The following RBFOX1 variants were observed in gnomAD, a reference collection of about 807,000 sequenced individuals.
The protein encoded by RBFOX1 is RNA binding fox-1 homolog 1, also known as RNA binding protein fox-1 homolog 1.
A neutral mutation model predicts 57.7 loss-of-function variants in RBFOX1; 8 were observed. That is an observed-to-expected ratio of 0.14 (90% CI 0.08 to 0.25). The LOEUF is 0.25. Among genes scored for constraint, RBFOX1 ranks in the 10% least tolerant of loss-of-function variants. The pLI, the probability that RBFOX1 is intolerant of heterozygous loss-of-function variation, is 1.00. For synonymous variants in RBFOX1, 326 were observed against 222.4 expected, an observed-to-expected ratio of 1.47 and a Z score of -4.15; for missense variants, 611 against 548.5, an observed-to-expected ratio of 1.11 and a Z score of -1.14.
intron 2 of RBFOX1, among the ~76,000 whole-genome samples, chr16:6,650,369 C>G (rs997389494): frequency 2.0e-5 from 3 of 152,014 alleles, no homozygotes; most frequent in Non-Finnish European, 1.5e-5. Context: ...TGTGGACTGA[C>G]CAAACCACCT....
At chr16:5,305,646 G>A (rs2063914698) in intron 1 of RBFOX1, among the ~76,000 whole-genome samples, 2 of 152,114 alleles carry the variant, frequency 1.3e-5, no homozygotes, top group South Asian at 4.1e-4. Flanking sequence ...AAAGTCTGCT[G>A]AAGAAGAAAT....
intron 4 of RBFOX1, among the ~76,000 whole-genome samples, chr16:5,891,027 A>G (rs12599101): frequency 6.6e-6 from 1 of 151,964 alleles, no homozygotes; most frequent in Admixed American, 6.5e-5. Flanking sequence ...TTTGGTGAGA[A>G]GATGCGTGCA....
At chr16:5,641,118 A>T (rs1241685897) in intron 3 of RBFOX1, among the ~76,000 whole-genome samples, 1 of 150,586 alleles carries the variant, frequency 6.6e-6, no homozygotes, top group African/African-American at 2.5e-5. Flanking sequence ...ATACACACAC[A>T]TGCATACACA....
At position 7,111,327 on chromosome 16, in the gene RBFOX1, C is replaced by G. The variant is rs1871258; in HGVS notation, c.27+59229C>G. Among the ~76,000 whole-genome samples the G allele has an allele frequency of 3.9e-5, 6 of 152,160 alleles. 1 individual carries two copies. The South Asian group carries it at 1.2e-3, about 32-fold the overall frequency. On this transcript the variant is annotated intron_variant, in intron 4 of 15. Coordinates refer to ENST00000550418, the MANE Select transcript of RBFOX1 (RefSeq NM_018723.4). ...TGAAGATTAATATTCTATGGGAACCCGACTTTGCAGACGGAGCTGAGCGGC... is the reference window on the plus strand; with the variant it reads ...TGAAGATTAATATTCTATGGGAACCGGACTTTGCAGACGGAGCTGAGCGGC...
intron 3 of RBFOX1, among the ~76,000 whole-genome samples, chr16:5,786,378 T>C (rs79439022): frequency 6.8e-3 from 1,030 of 152,226 alleles, no homozygotes; most frequent in Non-Finnish European, 0.011. Flanking sequence ...CTGCTGCTCA[T>C]GTAGCACTTT....
intron 14 of RBFOX1, among the ~76,000 whole-genome samples, chr16:7,694,217 G>T (rs2078083894): frequency 6.6e-6 from 1 of 152,164 alleles, no homozygotes; most frequent in African/African-American, 2.4e-5. Context: ...TGCGAGGGAG[G>T]ACGTTACAAC....
At chr16:6,991,000 C>T (rs771968454) in intron 3 of RBFOX1, among the ~76,000 whole-genome samples, 4 of 151,966 alleles carry the variant, frequency 2.6e-5, no homozygotes, top group Admixed American at 2.6e-4. Context: ...TAATTTACTA[C>T]ATCACAGTTG....
chr16:6,486,387 GAA>G lies in RBFOX1; in HGVS notation c.-63-168213_-63-168212del, dbSNP rs146930888. 7.3e-3 allele frequency among the ~76,000 whole-genome samples: 1,113 copies of G among 152,036 alleles called. 6 individuals are homozygous for G. Among genetic ancestry groups the G allele is most frequent in the Non-Finnish European group, 0.013 (902 of 67,942 alleles). ...GAGCACAGTTGTAATCTGGTGAAAT[GAA>G]AAGTCATCTAAAAGAGGAAGAAGAT... is the stretch of plus-strand genomic sequence containing the variant. On this transcript the variant is annotated intron_variant, in intron 2 of 15. Coordinates refer to ENST00000550418, the MANE Select transcript of RBFOX1 (RefSeq NM_018723.4).
chr16:7,218,301 A>G (rs986483687), intron 4 of RBFOX1, among the ~76,000 whole-genome samples: 1 of 152,202 alleles, frequency 6.6e-6, no homozygotes. Flanking sequence ...TAATTTAAAA[A>G]TTGCTATAAT....
At chr16:6,400,678 G>T (rs2093032511) in intron 2 of RBFOX1, among the ~76,000 whole-genome samples, 1 of 152,182 alleles carries the variant, frequency 6.6e-6, no homozygotes, top group South Asian at 2.1e-4. Flanking sequence ...GAAATCAAGA[G>T]TGATTTCAAG....
chr16:7,571,886 T>C (rs936758730), intron 5 of RBFOX1, among the ~76,000 whole-genome samples: 16 of 152,166 alleles, frequency 1.1e-4, no homozygotes, highest in African/African-American at 3.9e-4. Context: ...CCCAGCACTT[T>C]GGGAGGCCAA....
intron 4 of RBFOX1, among the ~76,000 whole-genome samples, chr16:7,154,282 T>C (rs910931562): frequency 1.3e-5 from 2 of 152,156 alleles, no homozygotes; most frequent in African/African-American, 4.8e-5. Flanking sequence ...TTACAAGCTC[T>C]AGTGCTGTAA....
At chr16:5,567,072 G>A (rs568324723) in intron 2 of RBFOX1, among the ~76,000 whole-genome samples, 39 of 152,180 alleles carry the variant, frequency 2.6e-4, no homozygotes, top group African/African-American at 9.4e-4. Context: ...ACAATTAGTG[G>A]GGCTGGAAAT....
At chr16:6,135,689 C>G (rs2096661459) in intron 1 of RBFOX1, among the ~76,000 whole-genome samples, 1 of 150,500 alleles carries the variant, frequency 6.6e-6, no homozygotes, top group Non-Finnish European at 1.5e-5. Flanking sequence ...AATGACTAAT[C>G]ATAAGGAATA....
rs145669055 is a variant in RBFOX1, at chr16:6,958,518, A to G, written c.-15-93539A>G. ...ATACAATGGTCTGTTGACTTATTCAATAACAGAGGAAACACATGGATTGTT... is the reference window on the plus strand; with the variant it reads ...ATACAATGGTCTGTTGACTTATTCAGTAACAGAGGAAACACATGGATTGTT... On this transcript the variant is annotated intron_variant, in intron 3 of 15. Coordinates refer to ENST00000550418, the MANE Select transcript of RBFOX1 (RefSeq NM_018723.4). 2.8e-3 allele frequency among the ~76,000 whole-genome samples: 424 copies of G among 152,338 alleles called. 4 individuals are homozygous for G. Among genetic ancestry groups the G allele is most frequent in the Admixed American group, 5.3e-3 (81 of 15,300 alleles).
At chr16:6,574,137 G>C (rs2097387226) in intron 2 of RBFOX1, among the ~76,000 whole-genome samples, 1 of 152,126 alleles carries the variant, frequency 6.6e-6, no homozygotes, top group South Asian at 2.1e-4. Context: ...AGGAGATGTG[G>C]GTTTCCATTC....
At chr16:6,605,232 A>G (rs915343210) in intron 2 of RBFOX1, among the ~76,000 whole-genome samples, 1 of 150,620 alleles carries the variant, frequency 6.6e-6, no homozygotes, top group Non-Finnish European at 1.5e-5. Flanking sequence ...ACCCTCTCTC[A>G]AAATAAAATA....
At chr16:6,924,467 C>A (rs1466931619) in intron 3 of RBFOX1, among the ~76,000 whole-genome samples, 1 of 151,980 alleles carries the variant, frequency 6.6e-6, no homozygotes, top group Non-Finnish European at 1.5e-5. Flanking sequence ...AGGCACCAAG[C>A]CATTCTTGAG....
At chr16:6,507,082 A>G (rs1202714049) in intron 2 of RBFOX1, among the ~76,000 whole-genome samples, 2 of 152,058 alleles carry the variant, frequency 1.3e-5, no homozygotes, top group Non-Finnish European at 2.9e-5. Context: ...TCCTACCTCC[A>G]AGGTACATCC....
Sources: gnomAD v4.1 joint callset for allele counts (sites outside exome capture counted in the v4.1 genomes callset) on GRCh38, gnomAD v4.1.1 for gene constraint, MANE v1.5 for transcripts, NCBI Gene and HGNC (gene_info 2026-07-23, HGNC 2026-07-21) for gene names.